Variants in TNC observed in about 807,000 individuals in gnomAD.
The protein encoded by TNC is tenascin.
In TNC, 109 loss-of-function variants were observed where a neutral mutation model predicts 202.4. The ratio of observed to expected loss-of-function variants is 0.54; its 90% CI spans 0.46 to 0.63. The LOEUF (loss-of-function observed/expected upper bound fraction) is 0.63. Among genes scored for constraint, TNC ranks in the 30% least tolerant of loss-of-function variants. The pLI, the probability that TNC is intolerant of heterozygous loss-of-function variation, is 0.00. For missense variants in TNC, 2,756 were observed against 2,833.3 expected (o/e 0.97, Z 0.62); for synonymous variants, 1,007 against 1,089.7 (o/e 0.92, Z 1.50).
In TNC at chr9:115,064,043, G is replaced by T. The variant is rs562793021; in HGVS notation, c.3513C>A (p.Val1171=). The T allele has an allele frequency of 6.2e-7, 1 of 1,611,236 alleles. No homozygotes were observed. The part of the protein sequence containing the change: ...STGETPNLGE[V]VVAEVGWDAL... ...CATCCCAGCCCACCTCGGCCACCAC[G>T]ACCTCTCCCAAATTGGGAGTTTCCC... Residue 1171 remains valine, a synonymous_variant, in exon 12 of 28, where the codon GTC becomes GTA. Transcript: ENST00000350763.
Position 115,082,796 on chromosome 9 carries a change from G to A in TNC, c.2143C>T (p.Pro715Ser), listed in dbSNP as rs780011763. Residue 715 changes from proline (P) to serine (S), a missense_variant, in exon 5 of 28, where the codon CCT becomes TCT. Coordinates refer to ENST00000350763, the MANE Select transcript of TNC (RefSeq NM_002160.4). Reference protein sequence around the residue: ...SARVATYLPAPEGLKFKSIKE... With the variant: ...SARVATYLPASEGLKFKSIKE... The stretch of plus-strand genomic sequence containing the variant: ...ATGGACTTGAATTTCAGGCCTTCAG[G>A]TGCAGGTAAGTCTGTAAGTAACAAC... The A allele has an allele frequency of 1.9e-6, 3 of 1,613,016 alleles. No homozygotes were observed. Among genetic ancestry groups the A allele is most frequent in the Non-Finnish European group, 2.5e-6 (3 of 1,179,018 alleles).
At chr9:115,111,965 GAAAATCCAACTAAGCTGTGCTTAGA>G (rs1156694088) in intron 1 of TNC, among the ~76,000 whole-genome samples, 9 of 152,162 alleles carry the variant, frequency 5.9e-5, no homozygotes, top group Non-Finnish European at 1.3e-4. Context: ...CCATGAGGCA[GAAAATCCAACTAAGCTGTGCTTAGA>G]CCTCTAGAAA....
chr9:115,030,546 G>C (rs911820705), intron 23 of TNC, 141 bp from the exon 24 acceptor site: 4 of 991,170 alleles, frequency 4.0e-6, no homozygotes, highest in Non-Finnish European at 4.3e-6. Flanking sequence ...AAAACTCATA[G>C]AAATGGGCAA....
chr9:115,082,943 G>A (rs1193954585), intron 4 of TNC, 136 bp from the exon 5 acceptor site: 2 of 618,902 alleles, frequency 3.2e-6, no homozygotes, highest in South Asian at 2.0e-5. Context: ...TCCTTTTAAA[G>A]CTTCTTCTGG....
At chr9:115,064,135 C>T (rs1484397667) in intron 11 of TNC, 67 bp from the exon 12 acceptor site, 1 of 1,422,270 alleles carries the variant, frequency 7.0e-7, no homozygotes, top group Admixed American at 2.3e-5. Context: ...ATCTTTAACA[C>T]AAGAATAAGC....
chr9:115,035,697 T>C lies in TNC; in HGVS notation c.5657-363A>G, dbSNP rs575081374. ...ATGGTTCCTCTGTTTCCCTGCTTGCTATAGTTTGTAAAAAGCTCTCAATGT... is the reference window on the plus strand; with the variant it reads ...ATGGTTCCTCTGTTTCCCTGCTTGCCATAGTTTGTAAAAAGCTCTCAATGT... On this transcript the variant is annotated intron_variant, in intron 21 of 27. Transcript: ENST00000350763. The C allele has an allele frequency of 6.1e-5, 16 of 261,608 alleles. No homozygotes were observed. In the East Asian group the frequency reaches 1.2e-3, roughly 20 times the overall value. 16.2% of individuals were successfully genotyped at this position (261,608 alleles called of 1,614,324 possible). A position where few individuals can be genotyped will look rare whatever the true frequency, so the allele number is the denominator to read the frequency against.
intron 27 of TNC, among the ~76,000 whole-genome samples, 166 bp downstream of exon 27, chr9:115,023,807 C>T (rs1214572880): frequency 6.6e-6 from 1 of 152,226 alleles, no homozygotes; most frequent in Admixed American, 6.5e-5. Context: ...TTTACCTGGC[C>T]TGCAGTGTCC....
chr9:115,077,825 A>G, intron 7 of TNC, 118 bp downstream of exon 7: 4 of 1,061,636 alleles, frequency 3.8e-6, no homozygotes, highest in Non-Finnish European at 1.4e-6. Context: ...AGGAGTAGAA[A>G]TACCCCTTTC....
intron 15 of TNC, among the ~76,000 whole-genome samples, chr9:115,049,698 A>G (rs1330114226): frequency 6.6e-6 from 1 of 151,714 alleles, no homozygotes; most frequent in East Asian, 1.9e-4. Context: ...TAATCAGAAG[A>G]AAAAAAGGAG....
intron 22 of TNC, 106 bp from the exon 23 acceptor site, chr9:115,031,791 C>G: frequency 7.1e-7 from 1 of 1,410,166 alleles, no homozygotes. Flanking sequence ...CATTCACTTA[C>G]TTACTGGACA....
chr9:115,076,038 C>T lies in TNC; in HGVS notation c.2944G>A (p.Ala982Thr), dbSNP rs771474791. Residue 982 changes from alanine (A) to threonine (T), a missense_variant, in exon 9 of 28, where the codon GCC becomes ACC. Coordinates refer to ENST00000350763, the MANE Select transcript of TNC (RefSeq NM_002160.4). ...KESNPATINA[A>T]TELDTPKDLQ... ...AATTCCAGGTGTGCCCCACCTGTGG[C>T]TGCGTTGATGGTCGCTGGATTGCTC... The T allele has an allele frequency of 6.2e-7, 1 of 1,614,078 alleles. No homozygotes were observed. Among genetic ancestry groups the T allele is most frequent in the Admixed American group, 1.7e-5 (1 of 60,016 alleles).
rs199896561 is a variant in TNC, at chr9:115,078,126, C to T, written c.2491G>A (p.Asp831Asn). 3.3e-5 allele frequency: 54 copies of T among 1,614,156 alleles called. No homozygotes were observed. The East Asian group carries it at 6.5e-4, about 19-fold the overall frequency. ...ATGCCGTAGGTCAGCTCAATGCCAT[C>T]GATCTCAGCCAGGGGCTTGAACCAG... Reference protein sequence around the residue: ...ITWFKPLAEIDGIELTYGIKD... With the variant: ...ITWFKPLAEINGIELTYGIKD... The change falls in exon 7 of 28, where the codon GAT (aspartate) becomes AAT (asparagine). Residue 831 changes from aspartate (D) to asparagine (N), a missense_variant. Physicochemically the swap from Asp to Asn is conservative, Grantham distance 23. Coordinates refer to ENST00000350763, the MANE Select transcript of TNC (RefSeq NM_002160.4).
chr9:115,048,426 C>A lies in TNC; in HGVS notation c.4686G>T (p.Thr1562=). ...CCAGCAGCTTCCCAGAATCCACCAC[C>A]GTTACTAGAAAGCTGTCAAAGGCAT... is the stretch of plus-strand genomic sequence containing the variant. ...SENAFDSFLV[T]VVDSGKLLDP... Residue 1562 remains threonine (T), a synonymous_variant, in exon 16 of 28, where the codon ACG becomes ACT. Coordinates refer to ENST00000350763, the MANE Select transcript of TNC (RefSeq NM_002160.4). 6.2e-7 allele frequency: 1 copy of A among 1,613,996 alleles called. No individual in the cohort carries two copies. Among genetic ancestry groups the A allele is most frequent in the Non-Finnish European group, 8.5e-7 (1 of 1,179,972 alleles).
chr9:115,083,206 A>G (rs1026651030), intron 4 of TNC, among the ~76,000 whole-genome samples: 1 of 152,116 alleles, frequency 6.6e-6, no homozygotes, highest in African/African-American at 2.4e-5. Flanking sequence ...AGTGAGTGAT[A>G]TACTCCACTC....
At chr9:115,057,055 T>C in intron 15 of TNC, 98 bp downstream of exon 15, 1 of 1,423,352 alleles carries the variant, frequency 7.0e-7, no homozygotes, top group Non-Finnish European at 9.4e-7. Context: ...GTTAGTGCCC[T>C]GTGGCTTGTA....
At chr9:115,095,017 G>A (rs550094048) in intron 1 of TNC, among the ~76,000 whole-genome samples, 21 of 152,164 alleles carry the variant, frequency 1.4e-4, no homozygotes, top group Non-Finnish European at 2.8e-4. Context: ...CAAAGCACCA[G>A]AATGTAAATA....
chr9:115,065,630 A>G (rs555996508), intron 10 of TNC, among the ~76,000 whole-genome samples: 2 of 151,894 alleles, frequency 1.3e-5, no homozygotes, highest in South Asian at 4.2e-4. Context: ...TTTTGAGACA[A>G]TTGGCTCTTC....
At chr9:115,062,624 A>G (rs1588096680) in intron 13 of TNC, among the ~76,000 whole-genome samples, 1 of 146,196 alleles carries the variant, frequency 6.8e-6, no homozygotes, top group Non-Finnish European at 1.5e-5. Flanking sequence ...AAAAAAAAAA[A>G]GTATATATCT....
At chr9:115,089,478 ATC>A (rs34987920) in intron 2 of TNC, among the ~76,000 whole-genome samples, 36,951 of 148,164 alleles carry the variant, frequency 0.25, 4,600 homozygotes, top group Admixed American at 0.34. Context: ...CAAAATCCCT[ATC>A]TCTCTCTCTC....
Sources: allele counts gnomAD v4.1 joint callset (sites outside exome capture counted in the v4.1 genomes callset), GRCh38; gene constraint gnomAD v4.1.1; transcripts MANE v1.5; gene names NCBI Gene and HGNC (gene_info 2026-07-23, HGNC 2026-07-21).